The following OTC variants were observed in gnomAD, a reference collection of about 807,000 sequenced individuals.
The protein encoded by OTC is ornithine transcarbamylase, mitochondrial.
OTC carries 3 observed loss-of-function variants against 30.3 expected under a neutral mutation model. That is an observed-to-expected ratio of 0.10 (90% CI 0.05 to 0.26). The LOEUF is 0.26. OTC is among the 10% of genes least tolerant of loss of function. The probability of loss-of-function intolerance (pLI) is 1.00; values close to 1 mark genes in which losing one functional copy is unlikely to be tolerated. For synonymous variants in OTC, 111 were observed against 99.7 expected (o/e 1.11, Z -0.67); for missense variants, 194 against 260.3 (o/e 0.75, Z 1.75).
chrX:38,355,389 G>A (rs1012473636), intron 1 of OTC, among the ~76,000 whole-genome samples: 2 of 111,207 alleles, frequency 1.8e-5, no homozygotes, highest in Admixed American at 9.5e-5. Flanking sequence ...AGCTTTTTAA[G>A]AAACCACTAA....
At chrX:38,372,567 C>T (rs193177264) in intron 3 of OTC, among the ~76,000 whole-genome samples, 4 of 112,106 alleles carry the variant, frequency 3.6e-5, no homozygotes, top group African/African-American at 1.3e-4. Flanking sequence ...TGCCCCAAAT[C>T]GTAAATAATA....
At chrX:38,340,459 GTT>G in the OTC span, among the ~76,000 whole-genome samples, 1 of 60,519 alleles carries the variant, frequency 1.7e-5, no homozygotes, top group African/African-American at 6.5e-5. Flanking sequence ...TTGTTTTTTT[GTT>G]TTTTTTTTTT....
chrX:38,369,353 C>CT (rs113753372), intron 2 of OTC, among the ~76,000 whole-genome samples: 76 of 103,455 alleles, frequency 7.3e-4, no homozygotes, highest in Admixed American at 6.3e-4. Context: ...TTTAAATTCA[C>CT]TTTTTTTTTT....
chrX:38,416,437 C>T (rs948884875), intron 9 of OTC, among the ~76,000 whole-genome samples: 2 of 111,341 alleles, frequency 1.8e-5, no homozygotes, highest in African/African-American at 6.5e-5. Flanking sequence ...AGATGTTTTC[C>T]CTCTGCCTAT....
chrX:38,390,383 A>G (rs187161832), intron 4 of OTC, among the ~76,000 whole-genome samples: 35 of 112,569 alleles, frequency 3.1e-4, no homozygotes, highest in African/African-American at 1.1e-3. Context: ...CATTGGGGAT[A>G]GAGATTAAGT....
At chrX:38,418,664 C>T (rs1421723229) in intron 9 of OTC, among the ~76,000 whole-genome samples, 1 of 111,605 alleles carries the variant, frequency 9.0e-6, no homozygotes, top group Non-Finnish European at 1.9e-5. Context: ...ATAATTGAAT[C>T]ACAGGGGCAG....
chrX:38,346,962 A>T, the OTC span, among the ~76,000 whole-genome samples: 1 of 112,513 alleles, frequency 8.9e-6, no homozygotes, highest in Non-Finnish European at 1.9e-5. Context: ...AGCATTTTTT[A>T]AATAATAAAA....
rs2068593345 is a variant in OTC, at chrX:38,421,139, T to G, written c.*57T>G. On this transcript the variant is annotated 3_prime_UTR_variant, in exon 10 of 10. Transcript: ENST00000039007. ...TTCTTCAGTAACAGAATGAGTTGGT[T>G]TATGGGGAAAAGAGAAGAGAATCTA... 1 of 839,893 alleles carries G rather than the reference T, an allele frequency of 1.2e-6. No homozygotes were observed. The highest frequency in any genetic ancestry group is 2.0e-5 in the African/African-American group (1 of 49,920). 69.2% of individuals were successfully genotyped at this position (839,893 alleles called of 1,213,427 possible). A position where few individuals can be genotyped will look rare whatever the true frequency, so the allele number is the denominator to read the frequency against.
At chrX:38,416,074 G>A (rs1449028906) in intron 9 of OTC, among the ~76,000 whole-genome samples, 1 of 111,760 alleles carries the variant, frequency 8.9e-6, no homozygotes, top group Non-Finnish European at 1.9e-5. Flanking sequence ...TTAAAATGAG[G>A]ATGAAATAAG....
the OTC span, among the ~76,000 whole-genome samples, chrX:38,329,908 A>G: frequency 1.8e-5 from 2 of 111,873 alleles, no homozygotes; most frequent in Non-Finnish European, 3.8e-5. Flanking sequence ...GGGGCTCTTG[A>G]GCCCCTGTGC....
chrX:38,345,397 G>T, the OTC span, among the ~76,000 whole-genome samples: 2 of 110,813 alleles, frequency 1.8e-5, no homozygotes, highest in Non-Finnish European at 3.8e-5. Context: ...ACTAACATTA[G>T]CCACAAGATC....
intron 6 of OTC, among the ~76,000 whole-genome samples, chrX:38,405,563 T>G (rs1358730934): frequency 9.0e-6 from 1 of 111,035 alleles, no homozygotes; most frequent in African/African-American, 3.3e-5. Flanking sequence ...AAAGACTCTA[T>G]TTCCACATAA....
At chrX:38,382,106 A>G (rs760143474) in intron 4 of OTC, among the ~76,000 whole-genome samples, 1 of 112,233 alleles carries the variant, frequency 8.9e-6, no homozygotes, top group Non-Finnish European at 1.9e-5. Context: ...ACCAAGGAGA[A>G]TAGAGCATGG....
chrX:38,338,280 G>A, the OTC span, among the ~76,000 whole-genome samples: 8 of 112,218 alleles, frequency 7.1e-5, no homozygotes, highest in Admixed American at 7.5e-4. Flanking sequence ...CACCTCATCA[G>A]CTGTCATTGA....
intron 4 of OTC, among the ~76,000 whole-genome samples, chrX:38,399,523 C>T (rs940614992): frequency 5.4e-5 from 6 of 110,546 alleles, no homozygotes; most frequent in African/African-American, 1.7e-4. Context: ...CCGAGGTGGG[C>T]GGATCACCTG....
At chrX:38,412,137 A>C (rs2068547323) in intron 9 of OTC, 138 bp downstream of exon 9, 2 of 590,651 alleles carry the variant, frequency 3.4e-6, no homozygotes, top group East Asian at 7.2e-5. Flanking sequence ...TTTTTCCAGA[A>C]ACTTTATAAT....
At chrX:38,415,209 G>A (rs927749672) in intron 9 of OTC, among the ~76,000 whole-genome samples, 1 of 109,135 alleles carries the variant, frequency 9.2e-6, no homozygotes, top group Middle Eastern at 4.3e-3. Context: ...CTCCCAAGTA[G>A]CTGGGATTAC....
chrX:38,344,183 ATAAAG>A, the OTC span, among the ~76,000 whole-genome samples: 1 of 109,934 alleles, frequency 9.1e-6, no homozygotes, highest in Non-Finnish European at 1.9e-5. Flanking sequence ...AAAATAAAAA[ATAAAG>A]TAATTCTCAG....
At chrX:38,402,382 T>C (rs2068494086) in intron 5 of OTC, among the ~76,000 whole-genome samples, 1 of 112,185 alleles carries the variant, frequency 8.9e-6, no homozygotes, top group Non-Finnish European at 1.9e-5. Context: ...TGCAATGCCT[T>C]CATATAGGAG....
Sources: allele counts gnomAD v4.1 joint callset (sites outside exome capture counted in the v4.1 genomes callset), GRCh38; gene constraint gnomAD v4.1.1; transcripts MANE v1.5; gene names NCBI Gene and HGNC (gene_info 2026-07-23, HGNC 2026-07-21).